Variants in NBPF20 observed in about 807,000 individuals in gnomAD.
NBPF20 encodes the protein NBPF family member NBPF20.
Under a neutral mutation model 68.1 loss-of-function variants are expected in NBPF20, and 90 were observed. That is an observed-to-expected ratio of 1.32 (90% CI 1.11 to 1.58). The LOEUF (loss-of-function observed/expected upper bound fraction) is 1.58, where lower values mean the gene tolerates loss of function less well. NBPF20 is among the 40% of genes most tolerant of loss of function. The probability of loss-of-function intolerance (pLI) is 0.00; values close to 1 mark genes in which losing one functional copy is unlikely to be tolerated. For missense variants in NBPF20, 816 were observed against 601.2 expected (o/e 1.36, Z -3.74); for synonymous variants, 290 against 228.1 (o/e 1.27, Z -2.45).
exon 138 of NBPF20, chr1:145,290,342 T>C (rs587728562): frequency 1.1e-4 from 17 of 149,360 alleles, no homozygotes; most frequent in Non-Finnish European, 2.2e-4. Flanking sequence ...AAGTAACCAG[T>C]CCTGATATCA....
chr1:145,291,827 C>A, intron 137 of NBPF20, 58 bp from the exon 143 acceptor site: 4 of 1,611,228 alleles, frequency 2.5e-6, no homozygotes, highest in Non-Finnish European at 2.5e-6. Context: ...CCACAGAGCC[C>A]CACTAGATTT....
intron 8 of NBPF20, 84 bp from the exon 14 acceptor site, chr1:145,394,019 AG>A (rs1662087090): frequency 8.8e-6 from 7 of 797,272 alleles, no homozygotes; most frequent in East Asian, 2.4e-5. Flanking sequence ...ATCCTAACAC[AG>A]GGACATCAGT....
chr1:145,309,554 C>A, intron 115 of NBPF20, among the ~76,000 whole-genome samples: 2 of 59,460 alleles, frequency 3.4e-5, no homozygotes, highest in South Asian at 1.4e-3. Flanking sequence ...GAGGGAGTAA[C>A]AGGACACTCT....
intron 129 of NBPF20, among the ~76,000 whole-genome samples, chr1:145,298,386 A>C (rs1232537771): frequency 1.4e-5 from 2 of 144,098 alleles, no homozygotes; most frequent in East Asian, 3.9e-4. Flanking sequence ...ACACACACAC[A>C]CAGAGAGAGA....
At chr1:145,409,385 A>T (rs1409253591), upstream of NBPF20, among the ~76,000 whole-genome samples, 1 of 149,236 alleles carries the variant, frequency 6.7e-6, no homozygotes, top group Non-Finnish European at 1.5e-5. Flanking sequence ...GGCCTCCCTA[A>T]CAACTGTTTC....
the NBPF20 span, among the ~76,000 whole-genome samples, chr1:145,424,416 T>C: frequency 0.026 from 4,031 of 152,308 alleles, 66 homozygotes; most frequent in South Asian, 0.056. Flanking sequence ...GGTGAAATTT[T>C]ACTAATAAAA....
intron 9 of NBPF20, chr1:145,393,622 G>T (rs1257787188): frequency 3.8e-5 from 30 of 798,502 alleles, no homozygotes; most frequent in Admixed American, 5.5e-5. Context: ...TGCATAAAAT[G>T]TGCTCAAGTT....
exon 2 of NBPF20, chr1:145,405,246 G>A: frequency 6.2e-7 from 1 of 1,610,348 alleles, no homozygotes; most frequent in Non-Finnish European, 8.5e-7. Flanking sequence ...CCTTCTCGCT[G>A]GACCAAGGGC....
chr1:145,409,200 T>A (rs1364873718), upstream of NBPF20, among the ~76,000 whole-genome samples: 22 of 151,808 alleles, frequency 1.4e-4, no homozygotes, highest in Admixed American at 6.6e-4. Context: ...TCAATGTAAT[T>A]TTAAAATCCA....
At chr1:145,398,073 T>C in intron 7 of NBPF20, among the ~76,000 whole-genome samples, 1 of 152,184 alleles carries the variant, frequency 6.6e-6, no homozygotes, top group Non-Finnish European at 1.5e-5. Context: ...AGCACCCAGA[T>C]TCATAAAGCA....
chr1:145,404,604 A>G (rs587666202), intron 2 of NBPF20, among the ~76,000 whole-genome samples: 2 of 152,188 alleles, frequency 1.3e-5, no homozygotes, highest in African/African-American at 2.4e-5. Context: ...CACAGGTTCT[A>G]TTAGGAGCAG....
upstream of NBPF20, among the ~76,000 whole-genome samples, chr1:145,409,330 C>G (rs1411429178): frequency 1.3e-5 from 2 of 148,192 alleles, no homozygotes; most frequent in African/African-American, 2.5e-5. Context: ...TATGAAGAAA[C>G]TATCATGAGC....
intron 8 of NBPF20, 62 bp downstream of exon 13, chr1:145,394,916 G>T (rs1336867214): frequency 6.3e-7 from 1 of 1,592,436 alleles, no homozygotes; most frequent in Non-Finnish European, 8.6e-7. Context: ...AAGGCCCAAA[G>T]ATTATGGGGT....
At chr1:145,407,383 TA>T (rs1479657338), upstream of NBPF20, among the ~76,000 whole-genome samples, 2 of 144,800 alleles carry the variant, frequency 1.4e-5, no homozygotes, top group African/African-American at 5.1e-5. Context: ...ATATATAATA[TA>T]TATACACGTG....
intron 1 of NBPF20, 33 bp from the exon 7 acceptor site, chr1:145,405,340 T>C: frequency 6.7e-7 from 1 of 1,493,538 alleles, no homozygotes; most frequent in Non-Finnish European, 9.3e-7. Flanking sequence ...TATGATGGGT[T>C]AAAAACTGGT....
chr1:145,400,281 C>A (rs1318379044), intron 6 of NBPF20, 108 bp downstream of exon 11: 5 of 1,589,086 alleles, frequency 3.1e-6, no homozygotes, highest in South Asian at 2.2e-5. Context: ...GTTTAGAAAC[C>A]CATCACAGTT....
the NBPF20 span, among the ~76,000 whole-genome samples, chr1:145,413,564 A>G: frequency 0.32 from 48,987 of 151,034 alleles, 9,806 homozygotes; most frequent in Non-Finnish European, 0.45. Flanking sequence ...AGAGTGTGAG[A>G]AAAATGATAA....
intron 118 of NBPF20, among the ~76,000 whole-genome samples, chr1:145,307,155 A>C (rs1332198070): frequency 9.2e-5 from 2 of 21,834 alleles, no homozygotes; most frequent in Non-Finnish European, 1.5e-4. Flanking sequence ...CTGAAATTAG[A>C]ATGAAGGAGG....
exon 6 of NBPF20, chr1:145,400,521 T>G (rs1662471343): frequency 2.5e-6 from 4 of 1,612,940 alleles, no homozygotes; most frequent in Non-Finnish European, 3.4e-6. Flanking sequence ...GGGCCATGGC[T>G]ATTTGAATAA....
Sources: allele counts gnomAD v4.1 joint callset (sites outside exome capture counted in the v4.1 genomes callset), GRCh38; gene constraint gnomAD v4.1.1; transcripts MANE v1.5; gene names NCBI Gene and HGNC (gene_info 2026-07-23, HGNC 2026-07-21).